KCNH8: variants seen among roughly 807,000 people sequenced by gnomAD.
KCNH8 encodes potassium voltage-gated channel subfamily H member 8.
KCNH8 carries 70 observed loss-of-function variants against 103.6 expected under a neutral mutation model. The observed-to-expected ratio is 0.68, with a 90% CI of 0.56 to 0.82. KCNH8 has a LOEUF of 0.82. Ranked by LOEUF, KCNH8 falls within the 40% of genes least tolerant of loss-of-function variation. The pLI is 0.00. For synonymous variants in KCNH8, 498 were observed against 489.4 expected (o/e 1.02, Z -0.23); for missense variants, 1,217 against 1,329.9 (o/e 0.92, Z 1.32).
chr3:19,191,063 A>T (rs983758372), intron 1 of KCNH8, among the ~76,000 whole-genome samples: 4 of 151,992 alleles, frequency 2.6e-5, no homozygotes, highest in African/African-American at 9.6e-5. Context: ...AAGATGCTTA[A>T]TGTCAGTTTA....
chr3:19,308,698 CT>C (rs1559470044), intron 3 of KCNH8, among the ~76,000 whole-genome samples: 40 of 77,186 alleles, frequency 5.2e-4, no homozygotes, highest in Non-Finnish European at 6.4e-4. Flanking sequence ...CTCTCTCTCT[CT>C]CTCTCTCTCT....
chr3:19,199,199 T>C (rs1043792603), intron 1 of KCNH8, among the ~76,000 whole-genome samples: 3 of 152,146 alleles, frequency 2.0e-5, no homozygotes, highest in Non-Finnish European at 4.4e-5. Flanking sequence ...ACTAATCACG[T>C]TTAAATAAAT....
intron 10 of KCNH8, among the ~76,000 whole-genome samples, chr3:19,452,575 A>G (rs1262654181): frequency 6.6e-6 from 1 of 152,188 alleles, no homozygotes; most frequent in East Asian, 1.9e-4. Context: ...GGTGGTAGTA[A>G]TGATGGTGAG....
At chr3:19,281,096 A>G in intron 2 of KCNH8, 102 bp from the exon 3 acceptor site, 1 of 1,258,906 alleles carries the variant, frequency 7.9e-7, no homozygotes, top group South Asian at 1.3e-5. Context: ...TGTGGGATTG[A>G]AGAAAACACT....
At chr3:19,371,717 T>G (rs1170331461) in intron 5 of KCNH8, among the ~76,000 whole-genome samples, 1 of 145,194 alleles carries the variant, frequency 6.9e-6, no homozygotes, top group Non-Finnish European at 1.5e-5. Context: ...ATGCCTAGGT[T>G]TTCTTCTAGG....
chr3:19,220,757 C>T (rs2063865841), intron 1 of KCNH8, among the ~76,000 whole-genome samples: 1 of 152,114 alleles, frequency 6.6e-6, no homozygotes, highest in South Asian at 2.1e-4. Flanking sequence ...ATCATATACT[C>T]CCTGAACAAT....
At chr3:19,435,401 G>A (rs1453591129) in intron 7 of KCNH8, among the ~76,000 whole-genome samples, 3 of 152,092 alleles carry the variant, frequency 2.0e-5, no homozygotes, top group African/African-American at 7.2e-5. Context: ...ACCAAAATGT[G>A]GGCTGTAATT....
chr3:19,493,740 TGA>T, intron 11 of KCNH8, among the ~76,000 whole-genome samples: 1 of 151,606 alleles, frequency 6.6e-6, no homozygotes, highest in African/African-American at 2.4e-5. Context: ...TTATTATTGA[TGA>T]GTCTTATTAT....
chr3:19,445,389 C>A (rs910752498), intron 8 of KCNH8, among the ~76,000 whole-genome samples: 2 of 151,276 alleles, frequency 1.3e-5, no homozygotes, highest in Non-Finnish European at 3.0e-5. Context: ...TTATTTATCT[C>A]GGGTGGTGGG....
At chr3:19,499,215 T>C (rs947399289) in intron 11 of KCNH8, among the ~76,000 whole-genome samples, 2 of 151,686 alleles carry the variant, frequency 1.3e-5, no homozygotes, top group Non-Finnish European at 2.9e-5. Flanking sequence ...ATGAATGAAA[T>C]GAAGCGAGAA....
intron 2 of KCNH8, among the ~76,000 whole-genome samples, chr3:19,257,480 A>G (rs980379971): frequency 2.1e-5 from 3 of 140,656 alleles, no homozygotes; most frequent in African/African-American, 9.7e-5. Context: ...TGGCTTTAAT[A>G]TCAACTTTAA....
At chr3:19,380,931 C>T (rs1259157304) in intron 5 of KCNH8, among the ~76,000 whole-genome samples, 1 of 152,178 alleles carries the variant, frequency 6.6e-6, no homozygotes, top group Non-Finnish European at 1.5e-5. Context: ...ATAAAAATAA[C>T]TATGAAATCA....
At position 19,515,349 on chromosome 3, in the gene KCNH8, C is replaced by CTT; in HGVS notation, c.2463_2464insTT (p.Ser822LeufsTer47). 1 of 1,592,098 alleles carries CTT rather than the reference C, an allele frequency of 6.3e-7. No individual in the cohort carries two copies. Among genetic ancestry groups the CTT allele is most frequent in the Non-Finnish European group, 8.6e-7 (1 of 1,168,842 alleles). Reference sequence around the variant, plus strand: ...TTGTTGATGGAATTGAAGATGGAAACAGCAGTGAAGAAAGTCAGACTTTTG... The same window carrying CTT: ...TTGTTGATGGAATTGAAGATGGAAACTTAGCAGTGAAGAAAGTCAGACTTTTG... On this transcript the variant is annotated frameshift_variant, in exon 14 of 16. Transcript: ENST00000328405. LOFTEE classifies it high-confidence loss of function.
rs2068908825 is a variant in KCNH8 at position 19,518,216 on chromosome 3, T to C, written c.2619+142T>C. 8 of 604,490 alleles carry C rather than the reference T, an allele frequency of 1.3e-5. No homozygotes were observed. In the South Asian group the frequency reaches 1.7e-4, roughly 13 times the overall value. The allele number at this position is 604,490 out of a possible 1,614,324, so 37.4% of individuals were successfully genotyped here. A position where few individuals can be genotyped will look rare whatever the true frequency, so the allele number is the denominator to read the frequency against. On this transcript the variant is annotated intron_variant, in intron 15 of 15. Transcript: ENST00000328405. The stretch of plus-strand genomic sequence containing the variant: ...ATGGGTGAATCTCTGCTCTGCCTCA[T>C]GTAAGTTGTGTGATCTCTGACAAGT...
intron 11 of KCNH8, among the ~76,000 whole-genome samples, chr3:19,478,378 G>A (rs1357987549): frequency 1.3e-5 from 2 of 151,900 alleles, no homozygotes; most frequent in Admixed American, 1.3e-4. Flanking sequence ...CATAAAGCTT[G>A]TACTAGTTTA....
chr3:19,470,276 T>C (rs896467026), intron 11 of KCNH8, among the ~76,000 whole-genome samples: 1 of 152,144 alleles, frequency 6.6e-6, no homozygotes, highest in Non-Finnish European at 1.5e-5. Flanking sequence ...CATGCACACA[T>C]ACCACAAGTA....
At chr3:19,243,161 T>A (rs578199789) in intron 1 of KCNH8, among the ~76,000 whole-genome samples, 120 of 152,300 alleles carry the variant, frequency 7.9e-4, no homozygotes, top group Non-Finnish European at 1.1e-3. Context: ...TATTATCTGC[T>A]TTATTTCAGC....
intron 1 of KCNH8, among the ~76,000 whole-genome samples, chr3:19,194,085 G>A (rs1420644245): frequency 6.6e-6 from 1 of 151,700 alleles, no homozygotes; most frequent in Non-Finnish European, 1.5e-5. Context: ...TGCTCGAATG[G>A]ACTTCATTTC....
At chr3:19,288,883 C>A (rs1240594346) in intron 3 of KCNH8, among the ~76,000 whole-genome samples, 1 of 152,176 alleles carries the variant, frequency 6.6e-6, no homozygotes, top group Non-Finnish European at 1.5e-5. Context: ...ACACCCTCTC[C>A]AGCACCTGTT....
Sources: allele counts gnomAD v4.1 joint callset (sites outside exome capture counted in the v4.1 genomes callset), GRCh38; gene constraint gnomAD v4.1.1; transcripts MANE v1.5; gene names NCBI Gene and HGNC (gene_info 2026-07-23, HGNC 2026-07-21).